The following TESMIN variants were observed in gnomAD, a reference collection of about 807,000 sequenced individuals.
TESMIN encodes testis expressed metallothionein like protein.
TESMIN carries 34 observed loss-of-function variants against 47.4 expected under a neutral mutation model. The ratio of observed to expected loss-of-function variants is 0.72; its 90% CI spans 0.55 to 0.96. The LOEUF (loss-of-function observed/expected upper bound fraction) is 0.96, where lower values mean the gene tolerates loss of function less well. TESMIN is among the 40% of genes least tolerant of loss of function. The pLI is 0.00. For missense variants in TESMIN, 610 were observed against 637.2 expected, an observed-to-expected ratio of 0.96 and a Z score of 0.46; for synonymous variants, 278 against 258.9, an observed-to-expected ratio of 1.07 and a Z score of -0.71.
chr11:68,743,234 C>CTTTTTT (rs57435562), intron 4 of TESMIN, among the ~76,000 whole-genome samples: 2 of 123,060 alleles, frequency 1.6e-5, no homozygotes, highest in Non-Finnish European at 3.4e-5. Flanking sequence ...ACAGGAACTA[C>CTTTTTT]TTTTTTTTTT....
At chr11:68,717,361 G>T (rs1317303868) in intron 6 of TESMIN, among the ~76,000 whole-genome samples, 1 of 152,088 alleles carries the variant, frequency 6.6e-6, no homozygotes, top group African/African-American at 2.4e-5. Flanking sequence ...ACAAAGTCTG[G>T]GCATCAGACC....
chr11:68,712,718 C>G (rs533205301), intron 8 of TESMIN, among the ~76,000 whole-genome samples: 1 of 152,324 alleles, frequency 6.6e-6, no homozygotes, highest in South Asian at 2.1e-4. Context: ...CTTTGTTAGC[C>G]TCTCTCCATT....
intron 6 of TESMIN, among the ~76,000 whole-genome samples, chr11:68,734,038 T>G (rs1946359498): frequency 6.6e-6 from 1 of 152,084 alleles, no homozygotes; most frequent in Admixed American, 6.6e-5. Context: ...TGTGCTCCTC[T>G]CCCCACTGAA....
intron 6 of TESMIN, chr11:68,737,380 C>T (rs1946399268): frequency 1.0e-6 from 1 of 985,422 alleles, no homozygotes; most frequent in African/African-American, 1.7e-5. Flanking sequence ...GCAACCAACG[C>T]CCTTCAGCGA....
intron 5 of TESMIN, among the ~76,000 whole-genome samples, chr11:68,741,910 C>CT (rs1471473992): frequency 1.3e-5 from 2 of 152,228 alleles, no homozygotes; most frequent in African/African-American, 4.8e-5. Flanking sequence ...TTGTCCTCTA[C>CT]TTTTATGTAA....
chr11:68,719,707 TGA>T (rs1210700004), intron 6 of TESMIN, among the ~76,000 whole-genome samples: 3 of 152,200 alleles, frequency 2.0e-5, no homozygotes, highest in Non-Finnish European at 1.5e-5. Context: ...TATGTGTATG[TGA>T]TTTGGATAAA....
chr11:68,720,122 A>G (rs184241814), intron 6 of TESMIN, among the ~76,000 whole-genome samples: 210 of 152,330 alleles, frequency 1.4e-3, no homozygotes, highest in Middle Eastern at 6.8e-3. Context: ...AAGCATTGGC[A>G]GAAAAAACCT....
intron 6 of TESMIN, among the ~76,000 whole-genome samples, chr11:68,723,267 A>G (rs1175176144): frequency 6.6e-6 from 1 of 151,946 alleles, no homozygotes; most frequent in Non-Finnish European, 1.5e-5. Context: ...ACATATACAT[A>G]CACATATATG....
chr11:68,711,208 G>A (rs917915885), intron 8 of TESMIN, among the ~76,000 whole-genome samples, 159 bp from the exon 9 acceptor site: 1 of 151,616 alleles, frequency 6.6e-6, no homozygotes, highest in Non-Finnish European at 1.5e-5. Context: ...GTGGGTGAGA[G>A]CGTGTGTTGA....
downstream of TESMIN, among the ~76,000 whole-genome samples, chr11:68,706,968 C>G (rs893043229): frequency 6.6e-6 from 1 of 152,226 alleles, no homozygotes; most frequent in East Asian, 1.9e-4. Context: ...GTGGCTCCCC[C>G]AGCAGTGCGC....
intron 6 of TESMIN, among the ~76,000 whole-genome samples, chr11:68,731,779 C>G (rs966150717): frequency 6.6e-6 from 1 of 152,186 alleles, no homozygotes; most frequent in Non-Finnish European, 1.5e-5. Flanking sequence ...GGTCTGCCAC[C>G]AACAGACCTC....
At chr11:68,745,558 C>T (rs781400353) in intron 3 of TESMIN, among the ~76,000 whole-genome samples, 2 of 152,206 alleles carry the variant, frequency 1.3e-5, no homozygotes, top group Non-Finnish European at 2.9e-5. Flanking sequence ...GTCCCTGAGT[C>T]CCTGGGCACG....
downstream of TESMIN, among the ~76,000 whole-genome samples, chr11:68,705,465 C>T (rs1235717124): frequency 1.3e-5 from 2 of 152,188 alleles, no homozygotes; most frequent in African/African-American, 2.4e-5. Flanking sequence ...AAGCCTTCTG[C>T]TGACCTTCCG....
chr11:68,731,238 C>T (rs1333097506), intron 6 of TESMIN, among the ~76,000 whole-genome samples: 3 of 152,012 alleles, frequency 2.0e-5, no homozygotes, highest in African/African-American at 7.3e-5. Flanking sequence ...CTGTGGTAAT[C>T]GATTTTTACC....
At chr11:68,722,010 A>T (rs1379322374) in intron 6 of TESMIN, among the ~76,000 whole-genome samples, 1 of 151,508 alleles carries the variant, frequency 6.6e-6, no homozygotes, top group Admixed American at 6.6e-5. Flanking sequence ...ACTCAACCAG[A>T]TACCTGCTAC....
intron 3 of TESMIN, 86 bp downstream of exon 3, chr11:68,747,122 G>A (rs747656360): frequency 8.3e-6 from 12 of 1,442,424 alleles, no homozygotes; most frequent in African/African-American, 1.4e-5. Context: ...AATGAAAAAC[G>A]AGTGAAATGA....
In TESMIN at chr11:68,724,332, C is replaced by T. The variant is rs369553488; in HGVS notation, c.918-8393G>A. On this transcript the variant is annotated intron_variant, in intron 6 of 9. Transcript: ENST00000255087. Reference sequence around the variant, plus strand: ...ATTCACCAGTCCTTTATTATAATTCCGATAATTATAATAATAGCAAATCCC... The same window carrying T: ...ATTCACCAGTCCTTTATTATAATTCTGATAATTATAATAATAGCAAATCCC... Among the ~76,000 whole-genome samples, 46 of 152,130 alleles carry T rather than the reference C, an allele frequency of 3.0e-4. No homozygotes were observed. The Middle Eastern group carries it at 0.01, about 34-fold the overall frequency.
chr11:68,750,920 A>G (rs1176920419), intron 1 of TESMIN, among the ~76,000 whole-genome samples: 15 of 60,564 alleles, frequency 2.5e-4, no homozygotes, highest in South Asian at 8.5e-4. Context: ...GGGCGACCAG[A>G]TGAGGGGCGA....
chr11:68,706,308 G>C (rs991536652), downstream of TESMIN, among the ~76,000 whole-genome samples: 1 of 152,188 alleles, frequency 6.6e-6, no homozygotes. Flanking sequence ...TGCAGGGCTC[G>C]TGCCTGCCCA....
Sources: gnomAD v4.1 joint callset for allele counts (sites outside exome capture counted in the v4.1 genomes callset) on GRCh38, gnomAD v4.1.1 for gene constraint, MANE v1.5 for transcripts, NCBI Gene and HGNC (gene_info 2026-07-23, HGNC 2026-07-21) for gene names.